BRD10: variants seen among roughly 807,000 people sequenced by gnomAD.
BRD10 encodes uncharacterized bromodomain-containing protein 10.
chr9:5,991,180 G>GTATA, the BRD10 span, among the ~76,000 whole-genome samples: 83 of 150,336 alleles, frequency 5.5e-4, 1 homozygote, highest in East Asian at 3.6e-3. Context: ...GTGTGTGTGT[G>GTATA]TATATATATA....
chr9:5,962,090 T>C, the BRD10 span, among the ~76,000 whole-genome samples: 17 of 152,232 alleles, frequency 1.1e-4, no homozygotes, highest in Admixed American at 1.1e-3. Context: ...ATTTTGGATC[T>C]TTCCTGCTTT....
At chr9:5,971,051 T>TC in the BRD10 span, among the ~76,000 whole-genome samples, 5 of 25,594 alleles carry the variant, frequency 2.0e-4, no homozygotes, top group Non-Finnish European at 3.5e-4. Flanking sequence ...AAGCAACGTC[T>TC]CAAAAAAAAA....
At chr9:5,895,723 T>C in the BRD10 span, among the ~76,000 whole-genome samples, 1 of 152,226 alleles carries the variant, frequency 6.6e-6, no homozygotes, top group South Asian at 2.1e-4. Flanking sequence ...TCCTATGATC[T>C]GCACCTTAAC....
the BRD10 span, among the ~76,000 whole-genome samples, chr9:5,982,481 T>G: frequency 6.6e-6 from 1 of 151,864 alleles, no homozygotes; most frequent in South Asian, 2.1e-4. Context: ...CCCAAATGAG[T>G]GGATTAATGA....
chr9:5,935,244 G>C, the BRD10 span, among the ~76,000 whole-genome samples: 1 of 152,208 alleles, frequency 6.6e-6, no homozygotes, highest in African/African-American at 2.4e-5. Flanking sequence ...TACTTTAAAG[G>C]CATCCCACAC....
chr9:5,965,215 T>C, the BRD10 span, among the ~76,000 whole-genome samples: 2 of 152,088 alleles, frequency 1.3e-5, no homozygotes, highest in East Asian at 3.9e-4. Flanking sequence ...TGAAGGTTCA[T>C]ACATCAGTCA....
the BRD10 span, among the ~76,000 whole-genome samples, chr9:5,961,514 T>A: frequency 1.3e-5 from 2 of 152,186 alleles, no homozygotes; most frequent in Non-Finnish European, 2.9e-5. Flanking sequence ...TATGCACAGC[T>A]AATCTTGCCT....
At chr9:5,958,501 G>A in the BRD10 span, among the ~76,000 whole-genome samples, 3 of 152,142 alleles carry the variant, frequency 2.0e-5, no homozygotes, top group South Asian at 6.2e-4. Flanking sequence ...CAAGTGTGGT[G>A]GTGCATGCCT....
At chr9:6,005,360 G>C in the BRD10 span, among the ~76,000 whole-genome samples, 3 of 151,368 alleles carry the variant, frequency 2.0e-5, no homozygotes, top group African/African-American at 7.3e-5. Flanking sequence ...AAAATACGAA[G>C]ATTAGCCGGG....
chr9:5,885,381 C>CTTT, the BRD10 span, among the ~76,000 whole-genome samples: 2 of 147,752 alleles, frequency 1.4e-5, no homozygotes, highest in East Asian at 2.0e-4. Flanking sequence ...TATGTTATCT[C>CTTT]TTTTTTTTTT....
chr9:5,890,162 G>T, the BRD10 span, among the ~76,000 whole-genome samples: 46,017 of 152,080 alleles, frequency 0.3, 7,777 homozygotes, highest in African/African-American at 0.46. Flanking sequence ...CCTTTTGTGG[G>T]TCATAAGCGT....
At chr9:5,972,699 C>T in the BRD10 span, among the ~76,000 whole-genome samples, 1 of 152,170 alleles carries the variant, frequency 6.6e-6, no homozygotes, top group Non-Finnish European at 1.5e-5. Flanking sequence ...GAGGCATTCT[C>T]CTGATGCAGA....
At chr9:5,991,444 C>G in the BRD10 span, among the ~76,000 whole-genome samples, 2 of 151,992 alleles carry the variant, frequency 1.3e-5, no homozygotes, top group African/African-American at 4.8e-5. Context: ...AAACCAGGGC[C>G]GCGTGCAGTC....
the BRD10 span, among the ~76,000 whole-genome samples, chr9:5,879,133 T>C: frequency 6.6e-6 from 1 of 152,144 alleles, no homozygotes; most frequent in Non-Finnish European, 1.5e-5. Context: ...TTGCTAAACA[T>C]CAGAGGGACT....
At chr9:5,982,054 T>C in the BRD10 span, among the ~76,000 whole-genome samples, 4 of 145,208 alleles carry the variant, frequency 2.8e-5, no homozygotes, top group East Asian at 7.9e-4. Context: ...TGTATGTGTG[T>C]GTATATATAT....
chr9:5,955,026 T>G, the BRD10 span, among the ~76,000 whole-genome samples: 5 of 151,906 alleles, frequency 3.3e-5, no homozygotes, highest in Non-Finnish European at 7.4e-5. Context: ...AGGTGGAGGT[T>G]GTAGTGAGCC....
At chr9:5,980,351 T>C in the BRD10 span, among the ~76,000 whole-genome samples, 1 of 152,202 alleles carries the variant, frequency 6.6e-6, no homozygotes, top group African/African-American at 2.4e-5. Context: ...TCAGTATTTA[T>C]TCCTCTCTGT....
chr9:6,007,155 T>C, the BRD10 span: 1 of 1,580,136 alleles, frequency 6.3e-7, no homozygotes, highest in Non-Finnish European at 8.6e-7. Context: ...TGTGTGTTTG[T>C]GTCAGTCTGT....
the BRD10 span, among the ~76,000 whole-genome samples, chr9:5,906,123 G>C: frequency 6.6e-6 from 1 of 151,752 alleles, no homozygotes; most frequent in Non-Finnish European, 1.5e-5. Context: ...GGCTGAGGCA[G>C]GAGGATTGCT....
Sources: gnomAD v4.1 joint callset for allele counts (sites outside exome capture counted in the v4.1 genomes callset) on GRCh38, gnomAD v4.1.1 for gene constraint, MANE v1.5 for transcripts, NCBI Gene and HGNC (gene_info 2026-07-23, HGNC 2026-07-21) for gene names.